Variants in KHDRBS2 observed in about 807,000 individuals in gnomAD.
The protein encoded by KHDRBS2 is KH domain-containing, RNA-binding, signal transduction-associated protein 2.
KHDRBS2 carries 26 observed loss-of-function variants against 44.3 expected under a neutral mutation model. That is an observed-to-expected ratio of 0.59 (90% CI 0.43 to 0.81). KHDRBS2 has a LOEUF of 0.81. KHDRBS2 is among the 40% of genes least tolerant of loss of function. KHDRBS2 has a pLI of 0.00. For missense variants in KHDRBS2, 476 were observed against 433.1 expected, an observed-to-expected ratio of 1.10 and a Z score of -0.88; for synonymous variants, 194 against 151.1, an observed-to-expected ratio of 1.28 and a Z score of -2.08.
Position 62,050,268 on chromosome 6 carries a change from G to A in KHDRBS2, c.220-2274C>T, listed in dbSNP as rs200461068. Among the ~76,000 whole-genome samples the A allele has an allele frequency of 1.8e-4, 28 of 152,080 alleles. No individual in the cohort carries two copies. The East Asian group carries it at 5.1e-3, about 27-fold the overall frequency. ...TGAGAATACATGCACGCAGGGAGGG[G>A]AACATCACACACCAGGGCCTGTGGG... On this transcript the variant is annotated intron_variant, in intron 2 of 8. Transcript: ENST00000281156.
chr6:61,655,453 C>T, the KHDRBS2 span, among the ~76,000 whole-genome samples: 1 of 152,006 alleles, frequency 6.6e-6, no homozygotes, highest in East Asian at 1.9e-4. Context: ...CAGGGTTTCA[C>T]CATGTTGGTC....
At chr6:61,983,248 T>TCTTTCTTTC (rs1416908763) in intron 3 of KHDRBS2, among the ~76,000 whole-genome samples, 60 of 42,636 alleles carry the variant, frequency 1.4e-3, no homozygotes, top group South Asian at 4.0e-3. Context: ...TTTTTTTTTT[T>TCTTTCTTTC]TTTTTTTTTA....
At chr6:61,733,307 G>A (rs188927806) in intron 6 of KHDRBS2, among the ~76,000 whole-genome samples, 12 of 152,148 alleles carry the variant, frequency 7.9e-5, no homozygotes, top group East Asian at 1.9e-4. Flanking sequence ...TAAAGACTTC[G>A]TGGCCGGGCC....
At chr6:61,590,459 A>G in the KHDRBS2 span, among the ~76,000 whole-genome samples, 2 of 152,188 alleles carry the variant, frequency 1.3e-5, no homozygotes, top group Non-Finnish European at 2.9e-5. Flanking sequence ...CTGAGATAAA[A>G]TATTTTTGGA....
At chr6:61,994,592 C>G (rs915889884) in intron 3 of KHDRBS2, among the ~76,000 whole-genome samples, 2 of 152,044 alleles carry the variant, frequency 1.3e-5, no homozygotes, top group African/African-American at 4.8e-5. Flanking sequence ...GGTCTCTGAC[C>G]TGAGAGAGCT....
intron 4 of KHDRBS2, among the ~76,000 whole-genome samples, chr6:61,939,249 T>TCA (rs1811646096): frequency 1.3e-5 from 2 of 151,950 alleles, no homozygotes. Flanking sequence ...CTTAACATAG[T>TCA]TATGTATAGA....
intron 4 of KHDRBS2, among the ~76,000 whole-genome samples, chr6:61,935,417 C>G (rs1296060550): frequency 6.6e-6 from 1 of 152,170 alleles, no homozygotes; most frequent in East Asian, 1.9e-4. Flanking sequence ...ATCAGTGGAA[C>G]TCAGCATGAC....
intron 3 of KHDRBS2, among the ~76,000 whole-genome samples, chr6:62,015,282 C>T (rs945648956): frequency 2.0e-5 from 3 of 152,082 alleles, no homozygotes; most frequent in Non-Finnish European, 1.5e-5. Context: ...CAGATAAAGA[C>T]ACTGAAGTCT....
At chr6:61,576,683 T>A in the KHDRBS2 span, among the ~76,000 whole-genome samples, 2 of 152,164 alleles carry the variant, frequency 1.3e-5, no homozygotes, top group Non-Finnish European at 2.9e-5. Context: ...CAAAATAAAC[T>A]GTACATAAAC....
In KHDRBS2 at chr6:62,177,322, A is replaced by G. The variant is rs763031345; in HGVS notation, c.92-10T>C. 6.3e-7 allele frequency: 1 copy of G among 1,579,004 alleles called. No homozygotes were observed. The highest frequency in any genetic ancestry group is 8.6e-7 in the Non-Finnish European group (1 of 1,158,010). The stretch of plus-strand genomic sequence containing the variant: ...TGAAACTTTTCAATTTCTGGAAGAA[A>G]ATCACAAGAAGAAAACAAGTGAAAT... On this transcript the variant is annotated splice_polypyrimidine_tract_variant and intron_variant, in intron 1 of 8. Transcript: ENST00000281156.
chr6:62,064,881 A>G (rs1442582619), intron 2 of KHDRBS2, among the ~76,000 whole-genome samples: 6 of 149,630 alleles, frequency 4.0e-5, no homozygotes, highest in Non-Finnish European at 7.5e-5. Flanking sequence ...CAACCTACTC[A>G]TCTGACAAAG....
At chr6:61,975,468 T>C (rs1230199338) in intron 4 of KHDRBS2, among the ~76,000 whole-genome samples, 1 of 152,130 alleles carries the variant, frequency 6.6e-6, no homozygotes, top group African/African-American at 2.4e-5. Flanking sequence ...TAAAAAAAAT[T>C]GGCAGTTCAT....
chr6:62,193,414 G>C (rs1297984235), intron 1 of KHDRBS2, among the ~76,000 whole-genome samples: 1 of 152,042 alleles, frequency 6.6e-6, no homozygotes, highest in Non-Finnish European at 1.5e-5. Context: ...CCTCAGAAAT[G>C]TAAATAGATC....
intron 4 of KHDRBS2, among the ~76,000 whole-genome samples, chr6:61,902,447 G>T (rs1440736931): frequency 1.3e-5 from 2 of 151,982 alleles, no homozygotes; most frequent in Non-Finnish European, 2.9e-5. Context: ...AATCATTACA[G>T]GTAAATGCTA....
intron 2 of KHDRBS2, among the ~76,000 whole-genome samples, chr6:62,063,053 C>T (rs1792438881): frequency 6.8e-6 from 1 of 147,162 alleles, no homozygotes; most frequent in South Asian, 2.2e-4. Flanking sequence ...TTCCTCGACA[C>T]ATACACTCTC....
At chr6:61,659,600 A>G in the KHDRBS2 span, among the ~76,000 whole-genome samples, 1 of 151,856 alleles carries the variant, frequency 6.6e-6, no homozygotes, top group Non-Finnish European at 1.5e-5. Flanking sequence ...ATCCTGAACT[A>G]AAACCCAAAT....
At chr6:61,577,887 C>T in the KHDRBS2 span, among the ~76,000 whole-genome samples, 1 of 151,988 alleles carries the variant, frequency 6.6e-6, no homozygotes, top group East Asian at 1.9e-4. Context: ...CATTTTCCTC[C>T]CAATTTTTAA....
the KHDRBS2 span, among the ~76,000 whole-genome samples, chr6:61,666,770 G>A: frequency 6.6e-6 from 1 of 151,252 alleles, no homozygotes; most frequent in East Asian, 1.9e-4. Context: ...GCCATGTATT[G>A]CTTCAACAAT....
intron 6 of KHDRBS2, among the ~76,000 whole-genome samples, chr6:61,832,539 G>A (rs1395023757): frequency 2.6e-5 from 4 of 151,980 alleles, no homozygotes; most frequent in African/African-American, 7.3e-5. Context: ...TTTCCTCAAA[G>A]GAAATGATGT....
Sources: gnomAD v4.1 joint callset for allele counts (sites outside exome capture counted in the v4.1 genomes callset) on GRCh38, gnomAD v4.1.1 for gene constraint, MANE v1.5 for transcripts, NCBI Gene and HGNC (gene_info 2026-07-23, HGNC 2026-07-21) for gene names.